NCKAP5: variants seen among roughly 807,000 people sequenced by gnomAD.
NCKAP5 encodes nck-associated protein 5.
In NCKAP5, 92 loss-of-function variants were observed where a neutral mutation model predicts 167.0. That is an observed-to-expected ratio of 0.55 (90% CI 0.47 to 0.66). The LOEUF is 0.66. Among genes scored for constraint, NCKAP5 ranks in the 30% least tolerant of loss-of-function variants. The pLI is 0.00. For missense variants in NCKAP5, 2,378 were observed against 2,315.0 expected (o/e 1.03, Z -0.56); for synonymous variants, 891 against 877.4 (o/e 1.02, Z -0.27).
At chr2:132,878,966 T>C in intron 8 of NCKAP5, 50 bp from the exon 9 acceptor site, 2 of 1,436,038 alleles carry the variant, frequency 1.4e-6, no homozygotes, top group South Asian at 2.3e-5. Context: ...AATGTTGTGT[T>C]ATGTGACAAC....
chr2:132,891,040 T>C (rs922242338), intron 8 of NCKAP5, among the ~76,000 whole-genome samples: 5 of 152,242 alleles, frequency 3.3e-5, no homozygotes, highest in African/African-American at 1.2e-4. Context: ...ATGAAGTCTT[T>C]GTTTAAAAAA....
At chr2:133,641,347 T>C in the NCKAP5 span, among the ~76,000 whole-genome samples, 6 of 152,246 alleles carry the variant, frequency 3.9e-5, no homozygotes, top group African/African-American at 1.4e-4. Context: ...AAGAGATATA[T>C]TCCTTTTACC....
chr2:133,121,004 A>G (rs2082233052), intron 6 of NCKAP5, among the ~76,000 whole-genome samples: 2 of 152,112 alleles, frequency 1.3e-5, no homozygotes, highest in African/African-American at 4.8e-5. Flanking sequence ...TGGTGATTGT[A>G]TAAGAGAGGA....
chr2:133,657,561 A>G, the NCKAP5 span, among the ~76,000 whole-genome samples: 2 of 152,316 alleles, frequency 1.3e-5, no homozygotes, highest in East Asian at 1.9e-4. Flanking sequence ...TTCTCGGAAA[A>G]GTCAAAGAGA....
chr2:132,879,590 G>A (rs1216001426), intron 8 of NCKAP5, among the ~76,000 whole-genome samples: 6 of 152,160 alleles, frequency 3.9e-5, no homozygotes, highest in Non-Finnish European at 8.8e-5. Flanking sequence ...TAGAAGGAGC[G>A]TGAAATGCTG....
intron 3 of NCKAP5, among the ~76,000 whole-genome samples, chr2:133,326,390 G>A (rs1376821072): frequency 6.7e-6 from 1 of 148,988 alleles, no homozygotes; most frequent in Admixed American, 6.8e-5. Context: ...GGAGTTGGAG[G>A]TTGCAGTGAG....
chr2:133,058,686 T>C (rs1336509462), intron 6 of NCKAP5, among the ~76,000 whole-genome samples: 4 of 152,208 alleles, frequency 2.6e-5, no homozygotes, highest in Non-Finnish European at 5.9e-5. Flanking sequence ...ACTGTGAAGA[T>C]ACTATGTAGA....
At chr2:133,162,062 C>T (rs1013188213) in intron 5 of NCKAP5, among the ~76,000 whole-genome samples, 2 of 152,210 alleles carry the variant, frequency 1.3e-5, no homozygotes, top group African/African-American at 4.8e-5. Flanking sequence ...CATTCTTGGC[C>T]TTTTCTGTGC....
chr2:133,176,340 G>C (rs906069682), intron 5 of NCKAP5, among the ~76,000 whole-genome samples: 4 of 152,064 alleles, frequency 2.6e-5, no homozygotes, highest in African/African-American at 4.8e-5. Context: ...AGAATTAAAA[G>C]GGCATTGATC....
Position 133,407,205 on chromosome 2 carries a change from G to C in NCKAP5, c.70-104095C>G, listed in dbSNP as rs535235679. ...AACTTGCAAGGGAGGAGGATCTTTT[G>C]TTCAGGTGCTGAACAGTGAAGATTT... On this transcript the variant is annotated intron_variant, in intron 3 of 19. Transcript: ENST00000409261. Among the ~76,000 whole-genome samples the C allele has an allele frequency of 2.6e-5, 4 of 152,308 alleles. No individual in the cohort carries two copies. In the South Asian group the frequency reaches 8.3e-4, roughly 32 times the overall value.
At chr2:133,596,080 T>C in the NCKAP5 span, 13 of 152,866 alleles carry the variant, frequency 8.5e-5, no homozygotes, top group African/African-American at 3.1e-4. Flanking sequence ...TTGTGGGCTA[T>C]ACAAAAACGT....
chr2:133,114,198 T>C (rs187846249), intron 6 of NCKAP5, among the ~76,000 whole-genome samples: 78 of 152,354 alleles, frequency 5.1e-4, no homozygotes, highest in African/African-American at 1.8e-3. Flanking sequence ...TCTGTTAATT[T>C]CTTCAGCAAA....
In NCKAP5 at chr2:132,892,098, C is replaced by T. The variant is rs114023944; in HGVS notation, c.580-13182G>A. ...GTGTCAGCCAGGCCAGAAATTGTCC[C>T]TGCTGAGGGAGAGATTTTGGCCAAC... On this transcript the variant is annotated intron_variant, in intron 8 of 19. Transcript: ENST00000409261. Among the ~76,000 whole-genome samples the T allele has an allele frequency of 8.6e-3, 1,303 of 152,234 alleles. 16 individuals carry two copies. The highest frequency in any genetic ancestry group is 0.03 in the African/African-American group (1,266 of 41,540).
At chr2:132,728,194 G>A (rs1434558838) in intron 18 of NCKAP5, among the ~76,000 whole-genome samples, 3 of 152,052 alleles carry the variant, frequency 2.0e-5, no homozygotes, top group Non-Finnish European at 4.4e-5. Flanking sequence ...TGCTGGAAAC[G>A]GTAAACAGGA....
intron 3 of NCKAP5, among the ~76,000 whole-genome samples, chr2:133,472,374 A>T (rs1048775912): frequency 6.8e-4 from 103 of 152,220 alleles, no homozygotes; most frequent in African/African-American, 2.4e-3. Context: ...GCTTCTAGAC[A>T]TTACTGTGGC....
In NCKAP5 at chr2:132,860,609, A is replaced by T; in HGVS notation, c.690T>A (p.Asp230Glu). 1 of 1,568,920 alleles carries T rather than the reference A, an allele frequency of 6.4e-7. No individual in the cohort carries two copies. Among genetic ancestry groups the T allele is most frequent in the East Asian group, 2.3e-5 (1 of 43,142 alleles). Residue 230 changes from aspartate (D) to glutamate (E), a missense_variant and splice_region_variant, in exon 11 of 20, where the codon GAT becomes GAA. This residue lies in a region of NCKAP5 where 1,049 missense variants were observed against 1,023.4 expected (regional missense o/e 1.02). Coordinates refer to ENST00000409261, the MANE Select transcript of NCKAP5 (RefSeq NM_207363.3). ...QVVQALLTQK[D>E]LREECVKLKT... is the part of the protein sequence containing the mutation. ...TCAACTTCACACATTCCTCTCTTAG[A>T]TCCTACAACAAACACATCGAAGGAG...
chr2:133,077,410 C>T (rs2080642495), intron 6 of NCKAP5, among the ~76,000 whole-genome samples: 1 of 152,118 alleles, frequency 6.6e-6, no homozygotes, highest in South Asian at 2.1e-4. Flanking sequence ...AGGTTTTTGC[C>T]TGCTGACCCT....
intron 16 of NCKAP5, among the ~76,000 whole-genome samples, chr2:132,734,390 GGAGT>G (rs1423095426): frequency 6.6e-6 from 1 of 152,176 alleles, no homozygotes; most frequent in Non-Finnish European, 1.5e-5. Flanking sequence ...CAGATTTACA[GGAGT>G]AAGTAGATCT....
In NCKAP5 at chr2:133,298,799, A is replaced by G. The variant is rs569759473; in HGVS notation, c.143+4238T>C. On this transcript the variant is annotated intron_variant, in intron 4 of 19. Transcript: ENST00000409261. The stretch of plus-strand genomic sequence containing the variant: ...TAAAAATATACTTTCCAAGAGATCT[A>G]TGGAAAATATAATTAAAAGGATACA... 1.4e-3 allele frequency among the ~76,000 whole-genome samples: 218 copies of G among 152,304 alleles called. 1 individual carries two copies. The highest frequency in any genetic ancestry group is 2.4e-3 in the Non-Finnish European group (162 of 68,004).
Sources: allele counts gnomAD v4.1 joint callset (sites outside exome capture counted in the v4.1 genomes callset), GRCh38; gene constraint gnomAD v4.1.1; regional missense constraint gnomAD v4.1.1; transcripts MANE v1.5; gene names NCBI Gene and HGNC (gene_info 2026-07-23, HGNC 2026-07-21).